Variants in ADAMTSL3 observed in about 807,000 individuals in gnomAD.
ADAMTSL3 encodes the protein ADAMTS-like protein 3.
A neutral mutation model predicts 201.7 loss-of-function variants in ADAMTSL3; 128 were observed. That is an observed-to-expected ratio of 0.63 (90% CI 0.55 to 0.73). ADAMTSL3 has a LOEUF of 0.73. ADAMTSL3 is among the 30% of genes least tolerant of loss of function. ADAMTSL3 has a pLI of 0.00. For missense variants in ADAMTSL3, 1,990 were observed against 2,119.6 expected, an observed-to-expected ratio of 0.94 and a Z score of 1.20; for synonymous variants, 738 against 748.4, an observed-to-expected ratio of 0.99 and a Z score of 0.23.
At chr15:83,716,608 TTG>T (rs142230336) in intron 3 of ADAMTSL3, among the ~76,000 whole-genome samples, 28 of 150,706 alleles carry the variant, frequency 1.9e-4, no homozygotes, top group South Asian at 6.3e-4. Flanking sequence ...CTTTATTTCT[TTG>T]TGTGTGTGTG....
At chr15:83,832,684 G>T (rs896388598) in intron 6 of ADAMTSL3, among the ~76,000 whole-genome samples, 2 of 151,920 alleles carry the variant, frequency 1.3e-5, no homozygotes, top group Non-Finnish European at 2.9e-5. Flanking sequence ...CTTTCTGCTT[G>T]CCCCAGGATC....
chr15:83,895,572 A>G (rs2065595842), intron 13 of ADAMTSL3, among the ~76,000 whole-genome samples: 1 of 152,226 alleles, frequency 6.6e-6, no homozygotes, highest in Non-Finnish European at 1.5e-5. Context: ...TCGAGGACAT[A>G]TGCAGCTCCA....
chr15:83,713,326 G>A (rs2061957437), intron 3 of ADAMTSL3, among the ~76,000 whole-genome samples: 1 of 152,162 alleles, frequency 6.6e-6, no homozygotes, highest in Non-Finnish European at 1.5e-5. Flanking sequence ...AAACATCTCT[G>A]CGACTGAATG....
chr15:83,678,051 C>T lies in ADAMTSL3; in HGVS notation c.69+22221C>T, dbSNP rs550645749. ...TTACCACCTCACTTAGTGTAGAAAC[C>T]TTACCTCTATTTAGGTCCCCTTATT... On this transcript the variant is annotated intron_variant, in intron 2 of 29. Transcript: ENST00000286744. Among the ~76,000 whole-genome samples the T allele has an allele frequency of 1.8e-3, 273 of 152,078 alleles. 1 individual carries two copies. The highest frequency in any genetic ancestry group is 6.5e-3 in the African/African-American group (269 of 41,538).
At chr15:83,669,180 C>T (rs760293767) in intron 2 of ADAMTSL3, among the ~76,000 whole-genome samples, 52 of 152,126 alleles carry the variant, frequency 3.4e-4, no homozygotes, top group Non-Finnish European at 5.4e-4. Flanking sequence ...GAGTCTCACT[C>T]GGCTGCCCAG....
chr15:84,027,709 C>CA (rs993715561), intron 27 of ADAMTSL3, among the ~76,000 whole-genome samples: 11 of 142,726 alleles, frequency 7.7e-5, no homozygotes, highest in South Asian at 2.2e-4. Context: ...GACTCTGTCT[C>CA]AAAAAAAAAG....
intron 16 of ADAMTSL3, among the ~76,000 whole-genome samples, chr15:83,918,645 T>G (rs1394486780): frequency 6.6e-6 from 1 of 152,082 alleles, no homozygotes; most frequent in Non-Finnish European, 1.5e-5. Flanking sequence ...TGAGACAGGG[T>G]TTAGTGTGGC....
At chr15:83,819,767 T>G in intron 5 of ADAMTSL3, 44 bp from the exon 6 acceptor site, 1 of 1,493,400 alleles carries the variant, frequency 6.7e-7, no homozygotes. Flanking sequence ...TCTTGGCCTC[T>G]CTCACTGGGT....
intron 2 of ADAMTSL3, among the ~76,000 whole-genome samples, chr15:83,674,502 C>T (rs981139663): frequency 1.3e-5 from 2 of 151,774 alleles, no homozygotes; most frequent in African/African-American, 4.8e-5. Context: ...CTGTGTCACA[C>T]TATCTTGATT....
chr15:83,846,771 C>T (rs2141723418), intron 7 of ADAMTSL3, among the ~76,000 whole-genome samples: 1 of 152,388 alleles, frequency 6.6e-6, no homozygotes, highest in East Asian at 1.9e-4. Context: ...TGCCCCACTA[C>T]AGAGTCAGAA....
chr15:83,996,996 A>C (rs910790772), intron 23 of ADAMTSL3, among the ~76,000 whole-genome samples: 7 of 152,168 alleles, frequency 4.6e-5, no homozygotes, highest in Admixed American at 1.3e-4. Flanking sequence ...TGGCAAGAGC[A>C]TGGAGAAATA....
rs116413158 is a variant in ADAMTSL3 at position 83,686,048 on chromosome 15, G to A, written c.70-18341G>A. ...GGTCTGGCCTCTTCTCCACAGCCTGGGTTTCTGCCCTAAGCCAAGTAGCAG... is the reference window on the plus strand; with the variant it reads ...GGTCTGGCCTCTTCTCCACAGCCTGAGTTTCTGCCCTAAGCCAAGTAGCAG... On this transcript the variant is annotated intron_variant, in intron 2 of 29. Coordinates refer to ENST00000286744, the MANE Select transcript of ADAMTSL3 (RefSeq NM_207517.3). Among the ~76,000 whole-genome samples, 778 of 152,224 alleles carry A rather than the reference G, an allele frequency of 5.1e-3. 5 individuals carry two copies. Among genetic ancestry groups the A allele is most frequent in the African/African-American group, 0.017 (723 of 41,528 alleles).
intron 9 of ADAMTSL3, among the ~76,000 whole-genome samples, chr15:83,882,566 ATATCTC>A (rs1307115301): frequency 6.6e-6 from 1 of 152,114 alleles, no homozygotes; most frequent in Non-Finnish European, 1.5e-5. Flanking sequence ...TTTCCAGTGA[ATATCTC>A]TAAGTGTTAA....
Position 83,858,726 on chromosome 15 carries a change from T to C in ADAMTSL3, c.728-40T>C, listed in dbSNP as rs777040289. On this transcript the variant is annotated intron_variant, in intron 7 of 29. Coordinates refer to ENST00000286744, the MANE Select transcript of ADAMTSL3 (RefSeq NM_207517.3). Reference sequence around the variant, plus strand: ...CTTGCTCATTTTCATGGGCCTTTAGTGTACTGGTTTTATTGCAGTTGCGTT... The same window carrying C: ...CTTGCTCATTTTCATGGGCCTTTAGCGTACTGGTTTTATTGCAGTTGCGTT... The C allele has an allele frequency of 4.6e-6, 7 of 1,506,656 alleles. No homozygotes were observed. In the African/African-American group the frequency reaches 9.7e-5, roughly 21 times the overall value. The allele number at this position is 1,506,656 out of a possible 1,614,324, so 93.3% of individuals were successfully genotyped here.
intron 17 of ADAMTSL3, among the ~76,000 whole-genome samples, chr15:83,937,242 A>G (rs1406250435): frequency 6.6e-6 from 1 of 151,004 alleles, no homozygotes; most frequent in Non-Finnish European, 1.5e-5. Flanking sequence ...CACAATAGCA[A>G]AGACATGAAA....
intron 4 of ADAMTSL3, among the ~76,000 whole-genome samples, chr15:83,784,778 A>G (rs2063233348): frequency 6.6e-6 from 1 of 151,046 alleles, no homozygotes; most frequent in African/African-American, 2.5e-5. Flanking sequence ...CCTTATGTAA[A>G]ATGATGATTA....
intron 6 of ADAMTSL3, among the ~76,000 whole-genome samples, chr15:83,821,449 C>G (rs866451284): frequency 4.0e-4 from 60 of 150,216 alleles, no homozygotes; most frequent in African/African-American, 4.1e-4. Flanking sequence ...TGACTCTTAA[C>G]GAGCATGCTG....
rs1178143194 is a variant in ADAMTSL3 at position 83,924,383 on chromosome 15, A to C, written c.2117+350A>C. 2.0e-5 allele frequency among the ~76,000 whole-genome samples: 3 copies of C among 152,222 alleles called. No homozygotes were observed. In the East Asian group the frequency reaches 5.8e-4, roughly 29 times the overall value. On this transcript the variant is annotated intron_variant, in intron 17 of 29. Transcript: ENST00000286744. The stretch of plus-strand genomic sequence containing the variant: ...CCCTTAATATCCCATCAGAAAGCAC[A>C]GGATTTGCATTAGAGTTAACATTGG...
chr15:83,923,678 G>A (rs1338283640), intron 16 of ADAMTSL3, among the ~76,000 whole-genome samples: 1 of 152,162 alleles, frequency 6.6e-6, no homozygotes, highest in Non-Finnish European at 1.5e-5. Context: ...GAGAGAGGGA[G>A]TAAAGGGACT....
Sources: gnomAD v4.1 joint callset for allele counts (sites outside exome capture counted in the v4.1 genomes callset) on GRCh38, gnomAD v4.1.1 for gene constraint, MANE v1.5 for transcripts, NCBI Gene and HGNC (gene_info 2026-07-23, HGNC 2026-07-21) for gene names.